Variants in ALDH3A2 observed in about 807,000 individuals in gnomAD.
ALDH3A2 encodes the protein aldehyde dehydrogenase family 3 member A2.
A neutral mutation model predicts 51.3 loss-of-function variants in ALDH3A2; 36 were observed. The observed-to-expected ratio is 0.70, with a 90% CI of 0.54 to 0.93. The LOEUF is 0.93. Among genes scored for constraint, ALDH3A2 ranks in the 40% least tolerant of loss-of-function variants. The probability of loss-of-function intolerance (pLI) is 0.00; values close to 1 mark genes in which losing one functional copy is unlikely to be tolerated. For synonymous variants in ALDH3A2, 199 were observed against 219.8 expected (o/e 0.91, Z 0.84); for missense variants, 552 against 603.1 (o/e 0.92, Z 0.89).
rs1185011682 is a variant in ALDH3A2 at position 19,671,841 on chromosome 17, A to G, written c.1328A>G (p.Asn443Ser). Residue 443 changes from asparagine (N) to serine (S), a missense_variant, in exon 9 of 10, where the codon AAC (asparagine) becomes AGC (serine). Physicochemically the swap from Asn to Ser is conservative, Grantham distance 46. Transcript: ENST00000176643. ...GCTAACAAACTCAGATATCCTCCCA[A>G]CAGCCAGTCAAAGGTGGATTGGGGA... The part of the protein sequence containing the change: ...EGANKLRYPP[N>S]SQSKVDWGKF... 2 of 1,614,086 alleles carry G rather than the reference A, an allele frequency of 1.2e-6. No individual in the cohort carries two copies. The highest frequency in any genetic ancestry group is 1.7e-6 in the Non-Finnish European group (2 of 1,180,018).
At chr17:19,670,205 C>T (rs937405683) in intron 8 of ALDH3A2, among the ~76,000 whole-genome samples, 2 of 152,112 alleles carry the variant, frequency 1.3e-5, no homozygotes, top group African/African-American at 2.4e-5. Context: ...CAAAACCTTC[C>T]GAAATCCCCT....
chr17:19,669,063 G>A (rs531272817), intron 8 of ALDH3A2, among the ~76,000 whole-genome samples: 60 of 151,738 alleles, frequency 4.0e-4, no homozygotes, highest in South Asian at 6.3e-4. Context: ...TTGGGAGGCC[G>A]AGGCAGGTAG....
At chr17:19,648,671 G>A (rs1177933217), upstream of ALDH3A2, 24 of 470,958 alleles carry the variant, frequency 5.1e-5, no homozygotes, top group East Asian at 9.8e-4. Flanking sequence ...AGAGGGCGGG[G>A]GCCGCGTGGG....
intron 9 of ALDH3A2, chr17:19,673,140 G>T (rs1241807097): frequency 6.2e-7 from 1 of 1,613,992 alleles, no homozygotes; most frequent in Non-Finnish European, 8.5e-7. Context: ...AAATCATTTG[G>T]GTTTTCTCAG....
At chr17:19,673,121 T>G in intron 9 of ALDH3A2, 2 of 1,614,092 alleles carry the variant, frequency 1.2e-6, no homozygotes, top group Non-Finnish European at 1.7e-6. Flanking sequence ...GAGATACCAG[T>G]TGCATTTGAA....
Position 19,656,433 on chromosome 17 carries a change from A to G in ALDH3A2, c.539A>G (p.His180Arg), listed in dbSNP as rs755954696. The stretch of plus-strand genomic sequence containing the variant: ...GAGCTCCTGAAGCAGCGATTTGACC[A>G]CATTTTCTATACGGGAAACACTGCG... ...TTELLKQRFD[H>R]IFYTGNTAVG... The change falls in exon 4 of 10, where the codon CAC (histidine) becomes CGC (arginine). Residue 180 changes from histidine to arginine, a missense_variant. By Grantham distance (29) the His-to-Arg change is conservative. Coordinates refer to ENST00000176643, the MANE Select transcript of ALDH3A2 (RefSeq NM_000382.3). 5 of 1,614,088 alleles carry G rather than the reference A, an allele frequency of 3.1e-6. No individual in the cohort carries two copies. Among genetic ancestry groups the G allele is most frequent in the Non-Finnish European group, 4.2e-6 (5 of 1,180,052 alleles).
At chr17:19,674,916 A>G (rs183419583) in intron 9 of ALDH3A2, 1 of 152,266 alleles carries the variant, frequency 6.6e-6, no homozygotes, top group Admixed American at 6.5e-5. Flanking sequence ...ATTTTATTTT[A>G]TTAATTACCT....
chr17:19,649,313 C>A, intron 1 of ALDH3A2, 189 bp downstream of exon 1: 1 of 678,702 alleles, frequency 1.5e-6, no homozygotes, highest in Non-Finnish European at 2.4e-6. Context: ...CTCAGAAGGG[C>A]ATATGTTACC....
chr17:19,649,027 C>G lies in ALDH3A2; in HGVS notation c.56C>G (p.Pro19Arg), dbSNP rs1216606675. ...GCGTTCCTGTCCGGCCGGTCGCGAC[C>G]TCTGCGGTTTCGGCTGCAGCAGCTG... is the stretch of plus-strand genomic sequence containing the variant. The part of the protein sequence containing the change: ...RQAFLSGRSR[P>R]LRFRLQQLEA... Residue 19 changes from proline (P) to arginine (R), a missense_variant, in exon 1 of 10, where the codon CCT (proline) becomes CGT (arginine). By Grantham distance (103) the Pro-to-Arg change is moderately radical (BLOSUM62 -2). Coordinates refer to ENST00000176643, the MANE Select transcript of ALDH3A2 (RefSeq NM_000382.3). 8 of 1,583,078 alleles carry G rather than the reference C, an allele frequency of 5.1e-6. No individual in the cohort carries two copies. Among genetic ancestry groups the G allele is most frequent in the Non-Finnish European group, 6.9e-6 (8 of 1,165,004 alleles).
intron 8 of ALDH3A2, among the ~76,000 whole-genome samples, chr17:19,671,175 G>C (rs1235736145): frequency 6.6e-6 from 1 of 152,216 alleles, no homozygotes; most frequent in Non-Finnish European, 1.5e-5. Flanking sequence ...GTGCAACCTT[G>C]TTGCCCTGTC....
rs900089240 is a variant in ALDH3A2 at position 19,654,395 on chromosome 17, G to A, written c.471+1763G>A. 6.6e-6 allele frequency among the ~76,000 whole-genome samples: 1 copy of A among 152,240 alleles called. No homozygotes were observed. Among genetic ancestry groups the A allele is most frequent in the Non-Finnish European group, 1.5e-5 (1 of 68,048 alleles). On this transcript the variant is annotated intron_variant, in intron 3 of 9. Coordinates refer to ENST00000176643, the MANE Select transcript of ALDH3A2 (RefSeq NM_000382.3). This position sits in a 1 kb window ranked among gnomAD's most constrained non-coding sequence, Gnocchi z 4.5. ...CCCATCAGGGAGGCTCGGGCAGCAT[G>A]GGAACCCACCAGGGGCGGGGTGGGG...
At chr17:19,650,743 G>A (rs932064085) in intron 1 of ALDH3A2, among the ~76,000 whole-genome samples, 2 of 152,166 alleles carry the variant, frequency 1.3e-5, no homozygotes, top group South Asian at 4.1e-4. Flanking sequence ...GTGAGCCACC[G>A]TGCCTGGCCT....
At chr17:19,652,664 G>C (rs759068160) in intron 3 of ALDH3A2, 32 bp downstream of exon 3, 32 of 1,493,546 alleles carry the variant, frequency 2.1e-5, no homozygotes, top group South Asian at 2.3e-5. Flanking sequence ...TCCAACATAT[G>C]TGTTTACTGT....
chr17:19,656,164 T>C (rs1175304192), intron 3 of ALDH3A2: 3 of 614,952 alleles, frequency 4.9e-6, no homozygotes, highest in Non-Finnish European at 8.8e-6. Flanking sequence ...TAGTTCTATG[T>C]GGGTTCATGC....
At chr17:19,649,482 CTTTT>C in intron 1 of ALDH3A2, 1 of 68,518 alleles carries the variant, frequency 1.5e-5, no homozygotes, top group Non-Finnish European at 3.1e-5. Context: ...GGGTTTCTTT[CTTTT>C]CTTTTTTTTT....
Position 19,663,503 on chromosome 17 carries a change from A to G in ALDH3A2, c.1107+4A>G, listed in dbSNP as rs758250659. 4 of 1,613,868 alleles carry G rather than the reference A, an allele frequency of 2.5e-6. No individual in the cohort carries two copies. Among genetic ancestry groups the G allele is most frequent in the Admixed American group, 3.3e-5 (2 of 60,012 alleles). On this transcript the variant is annotated splice_donor_region_variant and intron_variant, in intron 7 of 9. Coordinates refer to ENST00000176643, the MANE Select transcript of ALDH3A2 (RefSeq NM_000382.3). ...TGTATTTTCGCATAACCATAAGGTA[A>G]GCTTTAGAGAGAACAGCTAGTTAGC...
Position 19,676,879 on chromosome 17 carries a change from G to A in ALDH3A2, c.*1307G>A, listed in dbSNP as rs2085198151. On this transcript the variant is annotated 3_prime_UTR_variant, in exon 10 of 10. Transcript: ENST00000176643. Reference sequence around the variant, plus strand: ...TTTCCTCTCACAGACAAAGAGGCCTGGGATATTAGGACTTTGGGGTTTGAG... The same window carrying A: ...TTTCCTCTCACAGACAAAGAGGCCTAGGATATTAGGACTTTGGGGTTTGAG... 1 of 152,186 alleles carries A rather than the reference G, an allele frequency of 6.6e-6. No homozygotes were observed. The highest frequency in any genetic ancestry group is 2.4e-5 in the African/African-American group (1 of 41,440). The allele number at this position is 152,186 out of a possible 1,614,324, so 9.4% of individuals were successfully genotyped here.
chr17:19,667,750 G>A (rs962416523), intron 8 of ALDH3A2, among the ~76,000 whole-genome samples: 3 of 152,034 alleles, frequency 2.0e-5, no homozygotes, highest in African/African-American at 7.3e-5. Context: ...GTAGAGACAC[G>A]GTTTTGCCAT....
At chr17:19,675,452 A>G in intron 9 of ALDH3A2, 106 bp from the exon 10 acceptor site, 7 of 1,146,108 alleles carry the variant, frequency 6.1e-6, no homozygotes, top group Non-Finnish European at 9.3e-6. Context: ...GAGTCTCTTC[A>G]GACAGGAGGT....
Sources: allele counts gnomAD v4.1 joint callset (sites outside exome capture counted in the v4.1 genomes callset), GRCh38; gene constraint gnomAD v4.1.1; non-coding constraint Gnocchi (gnomAD v3.1); transcripts MANE v1.5; gene names NCBI Gene and HGNC (gene_info 2026-07-23, HGNC 2026-07-21).